Variants in TMEM9 observed in about 807,000 individuals in gnomAD.
TMEM9 encodes the protein proton-transporting V-type ATPase complex assembly regulator TMEM9.
A neutral mutation model predicts 22.8 loss-of-function variants in TMEM9; 13 were observed. The observed-to-expected ratio is 0.57, with a 90% CI of 0.37 to 0.91. TMEM9 has a LOEUF of 0.91. Among genes scored for constraint, TMEM9 ranks in the 40% least tolerant of loss-of-function variants. The pLI is 0.01. For synonymous variants in TMEM9, 88 were observed against 93.0 expected (o/e 0.95, Z 0.31); for missense variants, 182 against 238.1 (o/e 0.76, Z 1.55).
At chr1:201,150,903 C>T (rs929584213) in intron 2 of TMEM9, among the ~76,000 whole-genome samples, 20 of 152,200 alleles carry the variant, frequency 1.3e-4, no homozygotes, top group Non-Finnish European at 2.4e-4. Flanking sequence ...CTACAGTGAC[C>T]TCAGCCCATC....
intron 1 of TMEM9, among the ~76,000 whole-genome samples, chr1:201,152,129 G>C (rs773465102): frequency 3.3e-5 from 5 of 151,570 alleles, no homozygotes; most frequent in African/African-American, 4.9e-5. Flanking sequence ...CAGGTACTTA[G>C]AGGAATGCGG....
At chr1:201,137,572 T>G (rs1334923568) in intron 4 of TMEM9, among the ~76,000 whole-genome samples, 1 of 152,168 alleles carries the variant, frequency 6.6e-6, no homozygotes, top group Non-Finnish European at 1.5e-5. Context: ...TGATATTCTT[T>G]GCTCTGTTCC....
chr1:201,168,633 C>G (rs1183061080), intron 1 of TMEM9, among the ~76,000 whole-genome samples: 2 of 152,108 alleles, frequency 1.3e-5, no homozygotes, highest in Non-Finnish European at 2.9e-5. Context: ...GCAGGAGACT[C>G]GCTTGAACCT....
intron 1 of TMEM9, among the ~76,000 whole-genome samples, chr1:201,167,364 G>A (rs549557429): frequency 2.6e-5 from 4 of 152,332 alleles, no homozygotes; most frequent in South Asian, 2.1e-4. Flanking sequence ...TGGTTGGGTC[G>A]GAGATAAAAT....
At chr1:201,166,508 A>G (rs947859032) in intron 1 of TMEM9, among the ~76,000 whole-genome samples, 3 of 151,804 alleles carry the variant, frequency 2.0e-5, no homozygotes, top group African/African-American at 7.3e-5. Context: ...AACTGCAGGC[A>G]CCTGCCACCA....
chr1:201,140,304 G>GTGTCTCT, intron 4 of TMEM9, among the ~76,000 whole-genome samples: 1 of 152,344 alleles, frequency 6.6e-6, no homozygotes, highest in Middle Eastern at 3.4e-3. Flanking sequence ...GAGAAACCAT[G>GTGTCTCT]TGTCTCTCTT....
chr1:201,166,257 C>T (rs1666075345), intron 1 of TMEM9, among the ~76,000 whole-genome samples: 1 of 152,088 alleles, frequency 6.6e-6, no homozygotes, highest in African/African-American at 2.4e-5. Context: ...TTACCACCCA[C>T]ACCACTGGCC....
intron 2 of TMEM9, among the ~76,000 whole-genome samples, chr1:201,149,104 G>A (rs1262909189): frequency 1.3e-5 from 2 of 152,216 alleles, no homozygotes; most frequent in Non-Finnish European, 2.9e-5. Flanking sequence ...GTTTGGAAGG[G>A]CGACCTGAGT....
intron 1 of TMEM9, among the ~76,000 whole-genome samples, chr1:201,168,489 C>T (rs536903524): frequency 3.3e-5 from 5 of 152,250 alleles, no homozygotes; most frequent in African/African-American, 1.2e-4. Context: ...GAGGCTGATA[C>T]AGGTGGATCA....
chr1:201,139,611 G>T (rs768813711), intron 4 of TMEM9, among the ~76,000 whole-genome samples: 5 of 152,070 alleles, frequency 3.3e-5, no homozygotes, highest in Non-Finnish European at 7.4e-5. Context: ...GGCCACACTG[G>T]TCCATGCATC....
chr1:201,150,569 C>G (rs1431496769), intron 2 of TMEM9, among the ~76,000 whole-genome samples: 2 of 152,172 alleles, frequency 1.3e-5, no homozygotes, highest in Non-Finnish European at 2.9e-5. Context: ...AATTAACAAG[C>G]AGCTAAGCTA....
At chr1:201,152,647 T>C (rs1459893643) in intron 1 of TMEM9, among the ~76,000 whole-genome samples, 1 of 152,220 alleles carries the variant, frequency 6.6e-6, no homozygotes, top group African/African-American at 2.4e-5. Context: ...TGTCATGTAA[T>C]TTGATTCTCC....
chr1:201,162,447 T>C (rs764428465), intron 1 of TMEM9, among the ~76,000 whole-genome samples: 7 of 151,832 alleles, frequency 4.6e-5, no homozygotes, highest in South Asian at 4.2e-4. Context: ...TTATGCCCCA[T>C]TGATTTTTGA....
intron 4 of TMEM9, among the ~76,000 whole-genome samples, chr1:201,141,630 G>T (rs756216730): frequency 2.4e-4 from 37 of 152,080 alleles, no homozygotes; most frequent in Admixed American, 6.5e-4. Context: ...TCCCAGGGCC[G>T]CAACTTCCCC....
At chr1:201,137,920 G>A (rs1324017218) in intron 4 of TMEM9, among the ~76,000 whole-genome samples, 1 of 152,190 alleles carries the variant, frequency 6.6e-6, no homozygotes, top group Non-Finnish European at 1.5e-5. Flanking sequence ...TGTGCTGACT[G>A]AGCTGGCCAC....
chr1:201,168,548 G>A (rs530487482), intron 1 of TMEM9, among the ~76,000 whole-genome samples: 11 of 152,084 alleles, frequency 7.2e-5, no homozygotes, highest in African/African-American at 9.7e-5. Context: ...GTGAAACCCC[G>A]TTTCTACTAA....
chr1:201,149,644 G>A (rs1452829709), intron 2 of TMEM9, among the ~76,000 whole-genome samples: 1 of 152,164 alleles, frequency 6.6e-6, no homozygotes, highest in Admixed American at 6.5e-5. Flanking sequence ...TTAAACCTGA[G>A]GACCGCATGT....
intron 1 of TMEM9, among the ~76,000 whole-genome samples, chr1:201,164,884 C>T (rs776831860): frequency 5.9e-5 from 9 of 151,862 alleles, no homozygotes; most frequent in Admixed American, 3.9e-4. Flanking sequence ...TCTTTGCTTG[C>T]GTCACAAGTT....
At chr1:201,168,797 TTTAC>T (rs1436647389) in intron 1 of TMEM9, among the ~76,000 whole-genome samples, 1 of 27,240 alleles carries the variant, frequency 3.7e-5, no homozygotes, top group Non-Finnish European at 7.3e-5. Context: ...TTTATTTTTA[TTTAC>T]TTATTTTCTA....
Sources: allele counts gnomAD v4.1 joint callset (sites outside exome capture counted in the v4.1 genomes callset), GRCh38; gene constraint gnomAD v4.1.1; transcripts MANE v1.5; gene names NCBI Gene and HGNC (gene_info 2026-07-23, HGNC 2026-07-21).